CA9: variants seen among roughly 807,000 people sequenced by gnomAD.
CA9 encodes CA-IX.
In CA9, 43 loss-of-function variants were observed where a neutral mutation model predicts 51.8. That is an observed-to-expected ratio of 0.83 (90% CI 0.65 to 1.07). CA9 has a LOEUF of 1.07. Among genes scored for constraint, CA9 ranks in the 50% least tolerant of loss-of-function variants. The pLI is 0.00. For missense variants in CA9, 574 were observed against 581.4 expected, an observed-to-expected ratio of 0.99 and a Z score of 0.13; for synonymous variants, 253 against 244.2, an observed-to-expected ratio of 1.04 and a Z score of -0.34.
At chr9:35,674,864 AGGAATT>A (rs1365230164) in intron 1 of CA9, 2 of 159,450 alleles carry the variant, frequency 1.3e-5, no homozygotes, top group Non-Finnish European at 2.8e-5. Flanking sequence ...CTCCCAAGCC[AGGAATT>A]TGGGGAAAGG....
chr9:35,675,130 A>G (rs1271164394), intron 1 of CA9: 5 of 187,662 alleles, frequency 2.7e-5, no homozygotes, highest in Admixed American at 1.7e-4. Context: ...AGTAGCTGCG[A>G]TTACAGGCAT....
intron 1 of CA9, chr9:35,675,274 G>C: frequency 3.7e-6 from 2 of 547,058 alleles, no homozygotes; most frequent in Non-Finnish European, 6.6e-6. Context: ...GATTATAGGC[G>C]TGAGCCACAG....
In CA9 at chr9:35,675,581, C is replaced by A. The variant is rs1385719359; in HGVS notation, c.433+14C>A. On this transcript the variant is annotated intron_variant, in intron 2 of 10. Transcript: ENST00000378357. ...GGCGCTATGGAGGTGAGACACCCAC[C>A]CGCTGCACAGACCCAATCTGGGAAC... is the stretch of plus-strand genomic sequence containing the variant. 3 of 1,613,780 alleles carry A rather than the reference C, an allele frequency of 1.9e-6. No individual in the cohort carries two copies. Among genetic ancestry groups the A allele is most frequent in the Non-Finnish European group, 1.7e-6 (2 of 1,179,898 alleles).
chr9:35,680,650 G>A lies in CA9; in HGVS notation c.1238-103G>A, dbSNP rs531977449. The A allele has an allele frequency of 9.4e-5, 85 of 906,828 alleles. No homozygotes were observed. The East Asian group carries it at 2.1e-3, about 22-fold the overall frequency. 56.2% of individuals were successfully genotyped at this position (906,828 alleles called of 1,614,324 possible). A position where few individuals can be genotyped will look rare whatever the true frequency, so the allele number is the denominator to read the frequency against. ...GAGACTGAGGCACTAGGGGCTGCCT[G>A]AGAACTCGGGGCAGGGGTGGTGGAG... On this transcript the variant is annotated intron_variant, in intron 9 of 10. Transcript: ENST00000378357.
In CA9 at chr9:35,678,971, TC is replaced by T. The variant is rs567356207; in HGVS notation, c.908-213del. On this transcript the variant is annotated intron_variant, in intron 6 of 10. Coordinates refer to ENST00000378357, the MANE Select transcript of CA9 (RefSeq NM_001216.3). ...CCTTCCCTTCTCTCCTTCCTTTCTT[TC>T]TTCCTCTCTTGCTTCCTCAGGCCTC... 2.6e-5 allele frequency among the ~76,000 whole-genome samples: 4 copies of T among 152,268 alleles called. No individual in the cohort carries two copies. The South Asian group carries it at 8.3e-4, about 32-fold the overall frequency.
At chr9:35,678,026 C>T (rs980224320) in intron 6 of CA9, among the ~76,000 whole-genome samples, 170 bp downstream of exon 6, 5 of 152,156 alleles carry the variant, frequency 3.3e-5, no homozygotes, top group African/African-American at 9.7e-5. Context: ...CACAGTTACC[C>T]GCAAACGGCT....
At chr9:35,679,425 T>C (rs1323015633) in intron 7 of CA9, 83 bp downstream of exon 7, 30 of 1,508,566 alleles carry the variant, frequency 2.0e-5, no homozygotes, top group Non-Finnish European at 2.7e-5. Flanking sequence ...AAGAAAGAAA[T>C]CAAGGCTGGG....
Position 35,676,064 on chromosome 9 carries a change from T to G in CA9, c.605T>G (p.Val202Gly), listed in dbSNP as rs1471911931. The part of the protein sequence containing the change: ...ELRLRNNGHS[V>G]QLTLPPGLEM... ...GGCTCACTTGCCTCTCCCTACGCAG[T>G]GCAACTGACCCTGCCTCCTGGGCTA... The change falls in exon 4 of 11, where the codon GTG becomes GGG. Residue 202 changes from valine to glycine, a missense_variant and splice_region_variant. Val to Gly is a moderately radical substitution (Grantham distance 109, BLOSUM62 -3). Transcript: ENST00000378357. 1.2e-6 allele frequency: 2 copies of G among 1,612,882 alleles called. No homozygotes were observed. The highest frequency in any genetic ancestry group is 1.7e-6 in the Non-Finnish European group (2 of 1,179,730).
In CA9 at chr9:35,679,957, T is replaced by C; in HGVS notation, c.1169T>C (p.Phe390Ser). Residue 390 changes from phenylalanine (F) to serine (S), a missense_variant, in exon 8 of 11, where the codon TTC (phenylalanine) becomes TCC (serine). Transcript: ENST00000378357. Reference protein sequence around the residue: ...PLNGRVIEASFPAGVDSSPRA... With the variant: ...PLNGRVIEASSPAGVDSSPRA... ...AATGGGCGAGTGATTGAGGCCTCCT[T>C]CCCTGCTGGAGTGGACAGCAGTCCT... is the stretch of plus-strand genomic sequence containing the variant. 6.2e-7 allele frequency: 1 copy of C among 1,614,144 alleles called. No homozygotes were observed. Among genetic ancestry groups the C allele is most frequent in the Non-Finnish European group, 8.5e-7 (1 of 1,180,012 alleles).
chr9:35,679,528 T>C (rs1188339760), intron 7 of CA9, among the ~76,000 whole-genome samples, 186 bp downstream of exon 7: 2 of 151,044 alleles, frequency 1.3e-5, no homozygotes, highest in Non-Finnish European at 3.0e-5. Context: ...CGGGGCAACA[T>C]AGTGTGACCC....
rs762299422 is a variant in CA9 at position 35,675,877 on chromosome 9, G to A, written c.550G>A (p.Gly184Ser). The A allele has an allele frequency of 2.5e-6, 4 of 1,606,798 alleles. No homozygotes were observed. In the South Asian group the frequency reaches 4.4e-5, roughly 18 times the overall value. ...CPALRPLELL[G>S]FQLPPLPELR... The stretch of plus-strand genomic sequence containing the variant: ...GGCCCTGCGCCCCCTGGAACTCCTG[G>A]GCTTCCAGCTCCCGCCGCTCCCAGA... Residue 184 changes from glycine to serine, a missense_variant, in exon 3 of 11, where the codon GGC becomes AGC. Gly to Ser is a moderately conservative substitution (Grantham distance 56). Transcript: ENST00000378357.
At chr9:35,679,144 G>A (rs761183205) in intron 6 of CA9, 41 bp from the exon 7 acceptor site, 2 of 1,610,934 alleles carry the variant, frequency 1.2e-6, no homozygotes, top group Non-Finnish European at 1.7e-6. Context: ...CTTTAAGGGG[G>A]TGCAATGTAG....
chr9:35,676,136 A>G lies in CA9; in HGVS notation c.677A>G (p.His226Arg). The change falls in exon 4 of 11, where the codon CAT (histidine) becomes CGT (arginine). Residue 226 changes from histidine to arginine, a missense_variant. By Grantham distance (29) the His-to-Arg change is conservative. Coordinates refer to ENST00000378357, the MANE Select transcript of CA9 (RefSeq NM_001216.3). ...PGREYRALQL[H>R]LHWGAAGRPG... ...CGGGAGTACCGGGCTCTGCAGCTGC[A>G]TCTGCACTGGGGGGCTGCAGGTCGT... 1 of 1,613,614 alleles carries G rather than the reference A, an allele frequency of 6.2e-7. No homozygotes were observed. Among genetic ancestry groups the G allele is most frequent in the Non-Finnish European group, 8.5e-7 (1 of 1,179,816 alleles).
chr9:35,676,184 A>C lies in CA9; in HGVS notation c.725A>C (p.Glu242Ala). The change falls in exon 4 of 11, where the codon GAA becomes GCA. Residue 242 changes from glutamate to alanine, a missense_variant. By Grantham distance (107) the Glu-to-Ala change is moderately radical. Transcript: ENST00000378357. ...CGTCCGGGCTCGGAGCACACTGTGG[A>C]AGGCCACCGTTTCCCTGCCGAGGTG... ...AGRPGSEHTV[E>A]GHRFPAEIHV... is the part of the protein sequence containing the mutation. 8 of 1,612,102 alleles carry C rather than the reference A, an allele frequency of 5.0e-6. No individual in the cohort carries two copies. Among genetic ancestry groups the C allele is most frequent in the Non-Finnish European group, 6.8e-6 (8 of 1,179,024 alleles).
chr9:35,679,736 G>A (rs887179521), intron 7 of CA9, 118 bp from the exon 8 acceptor site: 2 of 924,576 alleles, frequency 2.2e-6, no homozygotes, highest in Non-Finnish European at 3.2e-6. Flanking sequence ...TCAAGAGGCT[G>A]GATGGGGAAT....
chr9:35,676,046 T>A lies in CA9; in HGVS notation c.605-18T>A. Reference sequence around the variant, plus strand: ...GCCCTACCGGGCGGGGCCGGCTCACTTGCCTCTCCCTACGCAGTGCAACTG... The same window carrying A: ...GCCCTACCGGGCGGGGCCGGCTCACATGCCTCTCCCTACGCAGTGCAACTG... On this transcript the variant is annotated intron_variant, in intron 3 of 10. Coordinates refer to ENST00000378357, the MANE Select transcript of CA9 (RefSeq NM_001216.3). 1 of 1,611,916 alleles carries A rather than the reference T, an allele frequency of 6.2e-7. No individual in the cohort carries two copies. The highest frequency in any genetic ancestry group is 8.5e-7 in the Non-Finnish European group (1 of 1,179,340).
chr9:35,675,572 G>A lies in CA9; in HGVS notation c.433+5G>A, dbSNP rs777746960. 4 of 1,614,016 alleles carry A rather than the reference G, an allele frequency of 2.5e-6. No individual in the cohort carries two copies. The highest frequency in any genetic ancestry group is 1.7e-5 in the Admixed American group (1 of 60,022). ...AGAGTCATTGGCGCTATGGAGGTGA[G>A]ACACCCACCCGCTGCACAGACCCAA... is the stretch of plus-strand genomic sequence containing the variant. On this transcript the variant is annotated splice_donor_5th_base_variant and intron_variant, in intron 2 of 10. Transcript: ENST00000378357.
chr9:35,680,650 G>T, intron 9 of CA9, 103 bp from the exon 10 acceptor site: 1 of 906,828 alleles, frequency 1.1e-6, no homozygotes. Context: ...GGGGCTGCCT[G>T]AGAACTCGGG....
At position 35,674,149 on chromosome 9, in the gene CA9, G is replaced by T. The variant is rs1234376086; in HGVS notation, c.190G>T (p.Asp64Tyr). Reference protein sequence around the residue: ...SGEDDPLGEEDLPSEEDSPRE... With the variant: ...SGEDDPLGEEYLPSEEDSPRE... The stretch of plus-strand genomic sequence containing the variant: ...GGAAGATGACCCACTGGGCGAGGAG[G>T]ATCTGCCCAGTGAAGAGGATTCACC... Residue 64 changes from aspartate to tyrosine, a missense_variant, in exon 1 of 11, where the codon GAT (aspartate) becomes TAT (tyrosine). Coordinates refer to ENST00000378357, the MANE Select transcript of CA9 (RefSeq NM_001216.3). The T allele has an allele frequency of 1.2e-6, 2 of 1,614,148 alleles. No individual in the cohort carries two copies. The highest frequency in any genetic ancestry group is 1.7e-5 in the Admixed American group (1 of 60,026).
Sources: allele counts gnomAD v4.1 joint callset (sites outside exome capture counted in the v4.1 genomes callset), GRCh38; gene constraint gnomAD v4.1.1; transcripts MANE v1.5; gene names NCBI Gene and HGNC (gene_info 2026-07-23, HGNC 2026-07-21).